ALDH18A1: variants seen among roughly 807,000 people sequenced by gnomAD.
The protein encoded by ALDH18A1 is delta-1-pyrroline-5-carboxylate synthase.
A neutral mutation model predicts 88.8 loss-of-function variants in ALDH18A1; 44 were observed. The ratio of observed to expected loss-of-function variants is 0.50; its 90% CI spans 0.39 to 0.64. ALDH18A1 has a LOEUF of 0.64. ALDH18A1 is among the 30% of genes least tolerant of loss of function. The pLI is 0.00. For synonymous variants in ALDH18A1, 331 were observed against 372.1 expected (o/e 0.89, Z 1.27); for missense variants, 782 against 1,009.5 (o/e 0.77, Z 3.05).
intron 7 of ALDH18A1, among the ~76,000 whole-genome samples, chr10:95,631,188 A>G (rs965738169): frequency 6.6e-6 from 1 of 152,200 alleles, no homozygotes; most frequent in African/African-American, 2.4e-5. Flanking sequence ...ATGGAAAGAC[A>G]TATTAGAGCC....
At chr10:95,614,391 C>G (rs1284772627) in intron 13 of ALDH18A1, among the ~76,000 whole-genome samples, 2 of 152,230 alleles carry the variant, frequency 1.3e-5, no homozygotes, top group African/African-American at 4.8e-5. Flanking sequence ...CATCACATAT[C>G]ACGCAGGACA....
chr10:95,628,391 C>A lies in ALDH18A1; in HGVS notation c.910G>T (p.Gly304Ter). The A allele has an allele frequency of 6.2e-7, 1 of 1,614,098 alleles. No individual in the cohort carries two copies. Residue 304 changes from glycine (G) to a stop codon, truncating the protein, a stop_gained, in exon 8 of 18, where the codon GGA becomes TGA. Transcript: ENST00000371224. LOFTEE classifies it high-confidence loss of function. ...ACCTTGGCTTCCATGCCACCCATTC[C>A]CACTCTAGACTTGGTTCCAAATGTC... is the stretch of plus-strand genomic sequence containing the variant. ...SVTFGTKSRV[G>*]MGGMEAKVKA...
chr10:95,636,163 C>T (rs2097880248), intron 5 of ALDH18A1, among the ~76,000 whole-genome samples: 1 of 152,068 alleles, frequency 6.6e-6, no homozygotes, highest in Non-Finnish European at 1.5e-5. Flanking sequence ...AAAAAAGTAA[C>T]AGGAAATGAA....
At chr10:95,633,728 A>G in intron 5 of ALDH18A1, 79 bp from the exon 6 acceptor site, 2 of 1,507,836 alleles carry the variant, frequency 1.3e-6, no homozygotes, top group South Asian at 1.2e-5. Flanking sequence ...CGCTAAGAGC[A>G]GGGGAGTTAA....
At chr10:95,653,236 C>T in intron 2 of ALDH18A1, 54 bp downstream of exon 2, 1 of 1,439,766 alleles carries the variant, frequency 6.9e-7, no homozygotes, top group South Asian at 1.1e-5. Flanking sequence ...CTTGTTGAAA[C>T]ATACTTTGAC....
intron 2 of ALDH18A1, among the ~76,000 whole-genome samples, chr10:95,644,098 G>A (rs565861820): frequency 9.9e-5 from 15 of 152,262 alleles, no homozygotes; most frequent in African/African-American, 3.1e-4. Context: ...AGCCAAGATC[G>A]TGCCACTGCA....
chr10:95,614,836 A>C (rs2097841592), intron 13 of ALDH18A1, among the ~76,000 whole-genome samples: 1 of 152,208 alleles, frequency 6.6e-6, no homozygotes, highest in African/African-American at 2.4e-5. Flanking sequence ...CACATAGCCC[A>C]AAACTGGAAA....
At chr10:95,620,585 T>C (rs111722849) in intron 12 of ALDH18A1, among the ~76,000 whole-genome samples, 1,771 of 152,318 alleles carry the variant, frequency 0.012, 18 homozygotes, top group South Asian at 0.018. Context: ...ATATACACCA[T>C]GGAATACTAT....
At chr10:95,616,395 T>C (rs999454912) in intron 13 of ALDH18A1, 82 bp downstream of exon 13, 16 of 1,528,936 alleles carry the variant, frequency 1.0e-5, no homozygotes, top group African/African-American at 1.4e-5. Context: ...CTTGGCTCTG[T>C]GTGGCCTAAG....
At chr10:95,646,432 T>G (rs1281818063) in intron 2 of ALDH18A1, among the ~76,000 whole-genome samples, 1 of 152,142 alleles carries the variant, frequency 6.6e-6, no homozygotes, top group East Asian at 1.9e-4. Context: ...AGATAAGGCC[T>G]GTTAGGGTTC....
At chr10:95,613,704 A>G (rs1337236718) in intron 15 of ALDH18A1, 38 bp downstream of exon 15, 1 of 1,613,444 alleles carries the variant, frequency 6.2e-7, no homozygotes, top group Non-Finnish European at 8.5e-7. Flanking sequence ...CAGGCTTCTA[A>G]GACAGGAAGT....
chr10:95,622,694 C>T lies in ALDH18A1; in HGVS notation c.1247-1443G>A, dbSNP rs2097854669. On this transcript the variant is annotated intron_variant, in intron 11 of 17. Coordinates refer to ENST00000371224, the MANE Select transcript of ALDH18A1 (RefSeq NM_002860.4). Reference sequence around the variant, plus strand: ...CTGGGACTACAGGCGCCCGCCACCACACCCGGCTAATTTTTTGTATTTTTA... The same window carrying T: ...CTGGGACTACAGGCGCCCGCCACCATACCCGGCTAATTTTTTGTATTTTTA... Among the ~76,000 whole-genome samples, 3 of 152,098 alleles carry T rather than the reference C, an allele frequency of 2.0e-5. No individual in the cohort carries two copies. The South Asian group carries it at 6.2e-4, about 32-fold the overall frequency.
rs545757079 is a variant in ALDH18A1, at chr10:95,632,960, T to C, written c.807A>G (p.Glu269=). Residue 269 remains glutamate, a splice_region_variant and synonymous_variant, in exon 7 of 18, where the codon GAA becomes GAG. Coordinates refer to ENST00000371224, the MANE Select transcript of ALDH18A1 (RefSeq NM_002860.4). ...AAGGAAAAAAGCATTACTTTGTACCTTCTACATCTGAAAGAACAATCAAGA... is the reference window on the plus strand; with the variant it reads ...AAGGAAAAAAGCATTACTTTGTACCCTCTACATCTGAAAGAACAATCAAGA... ...TDLLIVLSDV[E]GLFDSPPGSD... is the part of the protein sequence containing the mutation. The C allele has an allele frequency of 6.2e-7, 1 of 1,613,748 alleles. No individual in the cohort carries two copies. The highest frequency in any genetic ancestry group is 8.5e-7 in the Non-Finnish European group (1 of 1,179,612).
At chr10:95,639,251 G>C (rs1413590905) in intron 3 of ALDH18A1, among the ~76,000 whole-genome samples, 1 of 151,984 alleles carries the variant, frequency 6.6e-6, no homozygotes. Context: ...TCCCAACTGA[G>C]CCCTGGAGTT....
intron 11 of ALDH18A1, among the ~76,000 whole-genome samples, chr10:95,623,065 G>C (rs1364459168): frequency 6.6e-6 from 1 of 150,966 alleles, no homozygotes; most frequent in Non-Finnish European, 1.5e-5. Flanking sequence ...TCTGCCTTGG[G>C]GGGAAGCAAC....
intron 17 of ALDH18A1, among the ~76,000 whole-genome samples, chr10:95,609,150 T>C (rs1442186043): frequency 6.6e-6 from 1 of 152,078 alleles, no homozygotes; most frequent in Admixed American, 6.5e-5. Flanking sequence ...GCTGGAATTA[T>C]AGGCGTGAGC....
chr10:95,643,138 G>T lies in ALDH18A1; in HGVS notation c.157C>A (p.Leu53Ile). ...WSNIPFITVP[L>I]SRTHGKSFAH... ...AAGGACTTGCCATGTGTACGACTGA[G>T]GGGTACAGTGATAAACGGGATGTTG... is the stretch of plus-strand genomic sequence containing the variant. Residue 53 changes from leucine to isoleucine, a missense_variant, in exon 3 of 18, where the codon CTC (leucine) becomes ATC (isoleucine). Leu to Ile is a conservative substitution (Grantham distance 5). This residue lies in a region of ALDH18A1 where 94 missense variants were observed against 99.5 expected (regional missense o/e 0.94). Transcript: ENST00000371224. 1.9e-6 allele frequency: 3 copies of T among 1,614,248 alleles called. No homozygotes were observed. The highest frequency in any genetic ancestry group is 2.5e-6 in the Non-Finnish European group (3 of 1,180,048).
intron 2 of ALDH18A1, among the ~76,000 whole-genome samples, chr10:95,649,351 ATTTTTTT>A (rs376825293): frequency 4.7e-4 from 62 of 131,086 alleles, no homozygotes; most frequent in African/African-American, 1.3e-3. Flanking sequence ...ATTTTTACAG[ATTTTTTT>A]TTTTTTTTTT....
intron 17 of ALDH18A1, among the ~76,000 whole-genome samples, chr10:95,608,541 T>G (rs1181759927): frequency 1.3e-5 from 2 of 152,242 alleles, no homozygotes; most frequent in African/African-American, 4.8e-5. Context: ...CCTCACTCTC[T>G]CCCAGGCTGG....
Sources: allele counts gnomAD v4.1 joint callset (sites outside exome capture counted in the v4.1 genomes callset), GRCh38; gene constraint gnomAD v4.1.1; regional missense constraint gnomAD v4.1.1; transcripts MANE v1.5; gene names NCBI Gene and HGNC (gene_info 2026-07-23, HGNC 2026-07-21).